Variants in ADAM32 observed in about 807,000 individuals in gnomAD.
ADAM32 encodes the protein ADAM metallopeptidase domain 32.
Under a neutral mutation model 114.9 loss-of-function variants are expected in ADAM32, and 89 were observed. The observed-to-expected ratio is 0.77, with a 90% CI of 0.65 to 0.92. The LOEUF is 0.92. ADAM32 is among the 40% of genes least tolerant of loss of function. The pLI is 0.00. For missense variants in ADAM32, 870 were observed against 932.8 expected, an observed-to-expected ratio of 0.93 and a Z score of 0.88; for synonymous variants, 285 against 307.5, an observed-to-expected ratio of 0.93 and a Z score of 0.77.
At chr8:39,128,156 G>T (rs1483051907) in intron 2 of ADAM32, among the ~76,000 whole-genome samples, 1 of 152,128 alleles carries the variant, frequency 6.6e-6, no homozygotes, top group Non-Finnish European at 1.5e-5. Flanking sequence ...GGGAGTCTAA[G>T]GCTCTTTGTA....
intron 3 of ADAM32, 54 bp from the exon 4 acceptor site, chr8:39,147,076 T>G: frequency 1.4e-6 from 1 of 725,750 alleles, no homozygotes. Flanking sequence ...TTACTATGTT[T>G]TTATATGTTT....
intron 20 of ADAM32, among the ~76,000 whole-genome samples, chr8:39,272,407 T>G (rs1167355566): frequency 2.0e-5 from 3 of 152,160 alleles, no homozygotes; most frequent in Admixed American, 6.5e-5. Context: ...TGTGTTATTG[T>G]GCGAACATCA....
intron 16 of ADAM32, 73 bp from the exon 17 acceptor site, chr8:39,246,010 A>G (rs2129450064): frequency 1.7e-6 from 2 of 1,181,606 alleles, no homozygotes; most frequent in Non-Finnish European, 2.5e-6. Context: ...ATATCATATA[A>G]TTATTTACTG....
At chr8:39,282,139 G>C (rs1813458186) in intron 23 of ADAM32, among the ~76,000 whole-genome samples, 3 of 152,164 alleles carry the variant, frequency 2.0e-5, no homozygotes, top group Admixed American at 2.0e-4. Flanking sequence ...AGGGAGTTGT[G>C]ATAGAGTGCT....
chr8:39,125,857 T>G (rs1251821712), intron 2 of ADAM32, among the ~76,000 whole-genome samples: 1 of 152,042 alleles, frequency 6.6e-6, no homozygotes, highest in African/African-American at 2.4e-5. Flanking sequence ...AAGGAAGGAG[T>G]CCAGTTTAAA....
chr8:39,232,208 G>A, intron 15 of ADAM32, 73 bp downstream of exon 15: 7 of 1,225,746 alleles, frequency 5.7e-6, no homozygotes, highest in Non-Finnish European at 8.0e-6. Context: ...CCCCTTCTGT[G>A]TCATTCATTC....
chr8:39,107,665 A>T (rs752722060), upstream of ADAM32: 1 of 1,528,176 alleles, frequency 6.5e-7, no homozygotes. Flanking sequence ...CCTCCGGAGA[A>T]CGCTGTCCCA....
chr8:39,209,989 C>T (rs1490602439), intron 11 of ADAM32, among the ~76,000 whole-genome samples: 1 of 152,208 alleles, frequency 6.6e-6, no homozygotes, highest in Non-Finnish European at 1.5e-5. Flanking sequence ...TCACCTAACA[C>T]CCACAGTCAC....
chr8:39,255,490 C>G (rs1381495208), intron 18 of ADAM32, among the ~76,000 whole-genome samples: 1 of 151,980 alleles, frequency 6.6e-6, no homozygotes, highest in African/African-American at 2.4e-5. Context: ...TGATGTTGAG[C>G]ATTTTTTCAT....
At chr8:39,227,063 T>C (rs1368017578) in intron 14 of ADAM32, among the ~76,000 whole-genome samples, 2 of 152,146 alleles carry the variant, frequency 1.3e-5, no homozygotes, top group African/African-American at 4.8e-5. Context: ...TGGCTCACAT[T>C]GTGAATTTTA....
At chr8:39,121,695 C>T (rs1365414057) in intron 2 of ADAM32, among the ~76,000 whole-genome samples, 1 of 152,168 alleles carries the variant, frequency 6.6e-6, no homozygotes, top group East Asian at 1.9e-4. Context: ...GCTGCATTCT[C>T]TTTGGTTTCA....
intron 14 of ADAM32, chr8:39,223,632 A>AG (rs745915193): frequency 1.6e-4 from 2 of 12,492 alleles, no homozygotes; most frequent in Non-Finnish European, 2.9e-3. Context: ...TATAGTTACC[A>AG]TTTTTTTTTA....
At position 39,232,652 on chromosome 8, in the gene ADAM32, G is replaced by C. The variant is rs181128108; in HGVS notation, c.1634+517G>C. On this transcript the variant is annotated intron_variant, in intron 15 of 24. Coordinates refer to ENST00000379907, the MANE Select transcript of ADAM32 (RefSeq NM_145004.7). Reference sequence around the variant, plus strand: ...TCATAAACATACCATAAAGTTGTATGCTTCCTTGACTTGCTTATGCTGTTA... The same window carrying C: ...TCATAAACATACCATAAAGTTGTATCCTTCCTTGACTTGCTTATGCTGTTA... Among the ~76,000 whole-genome samples, 458 of 152,288 alleles carry C rather than the reference G, an allele frequency of 3.0e-3. 2 individuals carry two copies. The highest frequency in any genetic ancestry group is 1.0e-2 in the African/African-American group (415 of 41,562).
intron 6 of ADAM32, among the ~76,000 whole-genome samples, chr8:39,152,633 A>G (rs1371556318): frequency 6.6e-6 from 1 of 151,618 alleles, no homozygotes; most frequent in African/African-American, 2.4e-5. Flanking sequence ...AGGCTGAAGA[A>G]TTGTTTGAAC....
rs753292343 is a variant in ADAM32, at chr8:39,129,757, A to C, written c.139-6900A>C. ...TGTGAAGGATTAATATTATTTCCTT[A>C]AACATTTGATAGCATTCATCATTGA... is the stretch of plus-strand genomic sequence containing the variant. On this transcript the variant is annotated intron_variant, in intron 2 of 24. Coordinates refer to ENST00000379907, the MANE Select transcript of ADAM32 (RefSeq NM_145004.7). The C allele has an allele frequency of 5.6e-5, 13 of 233,574 alleles. 1 individual carries two copies. The highest frequency in any genetic ancestry group is 3.0e-4 in the Admixed American group (6 of 20,034). 14.5% of individuals were successfully genotyped at this position (233,574 alleles called of 1,614,324 possible). A position where few individuals can be genotyped will look rare whatever the true frequency, so the allele number is the denominator to read the frequency against.
At chr8:39,161,577 A>G (rs1804510535) in intron 7 of ADAM32, among the ~76,000 whole-genome samples, 1 of 152,172 alleles carries the variant, frequency 6.6e-6, no homozygotes. Flanking sequence ...TTAATAGTTG[A>G]AAGATTTCAG....
At chr8:39,107,985 A>T in intron 1 of ADAM32, 152 bp downstream of exon 1, 2 of 1,059,886 alleles carry the variant, frequency 1.9e-6, no homozygotes, top group East Asian at 3.0e-5. Flanking sequence ...CCCCGTCCGG[A>T]TGGAGAAGCG....
At chr8:39,202,329 T>C (rs1460711529) in intron 11 of ADAM32, among the ~76,000 whole-genome samples, 2 of 152,210 alleles carry the variant, frequency 1.3e-5, no homozygotes, top group African/African-American at 4.8e-5. Flanking sequence ...TATTCAGAGA[T>C]TCAACTTCTT....
chr8:39,273,874 G>C (rs902789274), intron 20 of ADAM32, among the ~76,000 whole-genome samples: 30 of 152,120 alleles, frequency 2.0e-4, no homozygotes, highest in African/African-American at 7.2e-4. Context: ...CACTCTGCTA[G>C]ATTGCTTAGG....
Sources: allele counts gnomAD v4.1 joint callset (sites outside exome capture counted in the v4.1 genomes callset), GRCh38; gene constraint gnomAD v4.1.1; transcripts MANE v1.5; gene names NCBI Gene and HGNC (gene_info 2026-07-23, HGNC 2026-07-21).